The following LDLRAP1 variants were observed in gnomAD, a reference collection of about 807,000 sequenced individuals.
LDLRAP1 encodes the protein low density lipoprotein receptor adaptor protein 1.
Under a neutral mutation model 37.8 loss-of-function variants are expected in LDLRAP1, and 30 were observed. That is an observed-to-expected ratio of 0.79 (90% CI 0.59 to 1.08). LDLRAP1 has a LOEUF of 1.08. Ranked by LOEUF, LDLRAP1 falls within the 50% of genes least tolerant of loss-of-function variation. LDLRAP1 has a pLI of 0.00. For synonymous variants in LDLRAP1, 156 were observed against 169.8 expected, an observed-to-expected ratio of 0.92 and a Z score of 0.63; for missense variants, 375 against 401.6, an observed-to-expected ratio of 0.93 and a Z score of 0.57.
chr1:25,583,458 G>A, the LDLRAP1 span, among the ~76,000 whole-genome samples: 4 of 152,064 alleles, frequency 2.6e-5, no homozygotes, highest in Non-Finnish European at 5.9e-5. Context: ...CTCCCAAAGT[G>A]CTGGGATTAT....
chr1:25,589,039 T>C, the LDLRAP1 span, among the ~76,000 whole-genome samples: 15,473 of 152,132 alleles, frequency 0.1, 1,754 homozygotes, highest in African/African-American at 0.24. Flanking sequence ...CATGGTGGCT[T>C]ACGCCTGTAA....
At chr1:25,548,378 CCTT>C (rs958544564) in intron 1 of LDLRAP1, among the ~76,000 whole-genome samples, 2 of 124,796 alleles carry the variant, frequency 1.6e-5, no homozygotes, top group African/African-American at 3.2e-5. Context: ...GAGGGAGTCT[CCTT>C]CTGTTGCCCA....
chr1:25,554,860 G>T lies in LDLRAP1; in HGVS notation c.232G>T (p.Ala78Ser), dbSNP rs1445888183. The change falls in exon 3 of 9, where the codon GCT (alanine) becomes TCT (serine). Residue 78 changes from alanine (A) to serine (S), a missense_variant and splice_region_variant. Physicochemically the swap from Ala to Ser is moderately conservative, Grantham distance 99. Transcript: ENST00000374338. This position sits in a 1 kb window ranked among gnomAD's most constrained non-coding sequence, Gnocchi z 5.4. Reference protein sequence around the residue: ...AAAIKRIVATAKASGKKLQKV... With the variant: ...AAAIKRIVATSKASGKKLQKV... ...CCTCTGACTCCTGTCTGCTCCCAAG[G>T]CTAAGGCCAGTGGGAAGAAGCTGCA... 6.2e-7 allele frequency: 1 copy of T among 1,613,682 alleles called. No individual in the cohort carries two copies.
At chr1:25,562,600 T>G in intron 4 of LDLRAP1, 44 bp from the exon 5 acceptor site, 1 of 1,561,404 alleles carries the variant, frequency 6.4e-7, no homozygotes, top group Non-Finnish European at 8.8e-7. Context: ...TGCTCTGCCC[T>G]GGCTGACACT....
At position 25,554,162 on chromosome 1, in the gene LDLRAP1, G is replaced by A; in HGVS notation, c.231+98G>A. The A allele has an allele frequency of 6.9e-7, 1 of 1,456,026 alleles. No homozygotes were observed. Among genetic ancestry groups the A allele is most frequent in the South Asian group, 1.2e-5 (1 of 84,608 alleles). The allele number at this position is 1,456,026 out of a possible 1,614,324, so 90.2% of individuals were successfully genotyped here. Reference sequence around the variant, plus strand: ...CCAGCTTGTTACTCCAGTTGGGTGTGTCTGAGCCTGGCCCTGCCCTTCATT... The same window carrying A: ...CCAGCTTGTTACTCCAGTTGGGTGTATCTGAGCCTGGCCCTGCCCTTCATT... On this transcript the variant is annotated intron_variant, in intron 2 of 8. Transcript: ENST00000374338. The surrounding 1 kb of genome is among the most constrained non-coding windows in gnomAD (Gnocchi z 5.4).
rs1278743658 is a variant in LDLRAP1, at chr1:25,567,728, T to C, written c.*736T>C. 1.3e-5 allele frequency: 2 copies of C among 153,222 alleles called. No homozygotes were observed. The highest frequency in any genetic ancestry group is 2.9e-5 in the Non-Finnish European group (2 of 68,846). 9.5% of individuals were successfully genotyped at this position (153,222 alleles called of 1,614,324 possible). On this transcript the variant is annotated 3_prime_UTR_variant, in exon 9 of 9. Transcript: ENST00000374338. ...GGTCCCCGTGGATGGTCTCCACCTGTGCTTGGAACCAGTGTAACTGGCTGC... is the reference window on the plus strand; with the variant it reads ...GGTCCCCGTGGATGGTCTCCACCTGCGCTTGGAACCAGTGTAACTGGCTGC...
the LDLRAP1 span, among the ~76,000 whole-genome samples, chr1:25,581,281 A>C: frequency 6.6e-6 from 1 of 152,156 alleles, no homozygotes; most frequent in Non-Finnish European, 1.5e-5. Flanking sequence ...TGAGAAGCAG[A>C]GAGGTAGGTA....
At chr1:25,570,727 C>T (rs530375494), downstream of LDLRAP1, among the ~76,000 whole-genome samples, 419 of 152,132 alleles carry the variant, frequency 2.8e-3, 3 homozygotes, top group Non-Finnish European at 4.7e-3. Flanking sequence ...GGCGTGGTGG[C>T]GGGCGCCTGT....
At chr1:25,557,476 T>A in intron 4 of LDLRAP1, 1 of 597,124 alleles carries the variant, frequency 1.7e-6, no homozygotes, top group Non-Finnish European at 3.0e-6. Flanking sequence ...CGGTCAGCTT[T>A]GTGTGGGCAG....
At chr1:25,586,186 C>T in the LDLRAP1 span, among the ~76,000 whole-genome samples, 1 of 152,194 alleles carries the variant, frequency 6.6e-6, no homozygotes, top group Non-Finnish European at 1.5e-5. The surrounding 1 kb of genome is among the most constrained non-coding windows in gnomAD (Gnocchi z 4.3). Flanking sequence ...CTTCTAAAGA[C>T]AGGCGGTCCA....
At chr1:25,565,911 G>A (rs149988544) in intron 8 of LDLRAP1, among the ~76,000 whole-genome samples, 3 of 152,214 alleles carry the variant, frequency 2.0e-5, no homozygotes, top group East Asian at 1.9e-4. Context: ...AGCGATTTTT[G>A]GTCCAGCGGG....
the LDLRAP1 span, among the ~76,000 whole-genome samples, chr1:25,584,172 G>A: frequency 2.4e-4 from 36 of 152,078 alleles, no homozygotes; most frequent in African/African-American, 8.2e-4. Flanking sequence ...TGGAGGTCCC[G>A]TGGGGGCCTC....
chr1:25,561,282 A>C (rs565112079), intron 4 of LDLRAP1, among the ~76,000 whole-genome samples: 1 of 152,362 alleles, frequency 6.6e-6, no homozygotes, highest in Admixed American at 6.5e-5. Flanking sequence ...GAAGAGTTTC[A>C]TACTTAATTA....
rs2044505895 is a variant in LDLRAP1 at position 25,567,142 on chromosome 1, G to A, written c.*150G>A. The A allele has an allele frequency of 3.1e-6, 3 of 959,050 alleles. No homozygotes were observed. The highest frequency in any genetic ancestry group is 2.1e-5 in the Admixed American group (1 of 47,914). The allele number at this position is 959,050 out of a possible 1,614,324, so 59.4% of individuals were successfully genotyped here. On this transcript the variant is annotated 3_prime_UTR_variant, in exon 9 of 9. Transcript: ENST00000374338. The stretch of plus-strand genomic sequence containing the variant: ...GATCAGAGCTGCAGCCAGTCAGGCA[G>A]GGGAGAGATTTTTCTTTTAAGCCCT...
At chr1:25,579,354 AG>A in the LDLRAP1 span, among the ~76,000 whole-genome samples, 1 of 152,214 alleles carries the variant, frequency 6.6e-6, no homozygotes, top group African/African-American at 2.4e-5. Context: ...CACACCCTGC[AG>A]GGCTGCAGGG....
Position 25,543,615 on chromosome 1 carries a change from A to C in LDLRAP1, c.-84A>C. On this transcript the variant is annotated 5_prime_UTR_variant, in exon 1 of 9. Transcript: ENST00000374338. ...TGGCGCTGGGAGGGGAGGAGCGCGC[A>C]GCCCGCGCGCCGCAGGGCCGGGCGG... is the stretch of plus-strand genomic sequence containing the variant. 1 of 974,164 alleles carries C rather than the reference A, an allele frequency of 1.0e-6. No homozygotes were observed. Among genetic ancestry groups the C allele is most frequent in the Non-Finnish European group, 1.3e-6 (1 of 762,650 alleles). The allele number at this position is 974,164 out of a possible 1,614,324, so 60.3% of individuals were successfully genotyped here.
chr1:25,553,735 C>T, intron 1 of LDLRAP1, 187 bp from the exon 2 acceptor site: 1 of 659,142 alleles, frequency 1.5e-6, no homozygotes. Context: ...CGCACCACTG[C>T]ACTCCAGCCT....
intron 8 of LDLRAP1, 150 bp downstream of exon 8, chr1:25,565,357 T>G: frequency 3.4e-6 from 3 of 889,438 alleles, no homozygotes. Flanking sequence ...CTCAAATGCT[T>G]CCAGGGGCAG....
In LDLRAP1 at chr1:25,564,439, T is replaced by A. The variant is rs139008794; in HGVS notation, c.747+648T>A. 1.1e-3 allele frequency: 184 copies of A among 161,718 alleles called. 1 individual carries two copies. Among genetic ancestry groups the A allele is most frequent in the Non-Finnish European group, 1.6e-3 (116 of 73,060 alleles). The allele number at this position is 161,718 out of a possible 1,614,324, so 10.0% of individuals were successfully genotyped here. On this transcript the variant is annotated intron_variant, in intron 7 of 8. Coordinates refer to ENST00000374338, the MANE Select transcript of LDLRAP1 (RefSeq NM_015627.3). ...CAGAATCAGGAAACAAACACGATACTGTGCTGTTATATAATCTATAGAACT... is the reference window on the plus strand; with the variant it reads ...CAGAATCAGGAAACAAACACGATACAGTGCTGTTATATAATCTATAGAACT...
Sources: allele counts gnomAD v4.1 joint callset (sites outside exome capture counted in the v4.1 genomes callset), GRCh38; gene constraint gnomAD v4.1.1; non-coding constraint Gnocchi (gnomAD v3.1); transcripts MANE v1.5; gene names NCBI Gene and HGNC (gene_info 2026-07-23, HGNC 2026-07-21).